ANO2: variants seen among roughly 807,000 people sequenced by gnomAD.
The protein encoded by ANO2 is anoctamin-2.
A neutral mutation model predicts 124.2 loss-of-function variants in ANO2; 101 were observed. The observed-to-expected ratio is 0.81, with a 90% CI of 0.69 to 0.96. ANO2 has a LOEUF of 0.96. Among genes scored for constraint, ANO2 ranks in the 40% least tolerant of loss-of-function variants. The pLI is 0.00. For synonymous variants in ANO2, 486 were observed against 482.5 expected, an observed-to-expected ratio of 1.01 and a Z score of -0.09; for missense variants, 1,293 against 1,274.5, an observed-to-expected ratio of 1.01 and a Z score of -0.22.
intron 7 of ANO2, among the ~76,000 whole-genome samples, chr12:5,811,457 G>A (rs756421972): frequency 6.6e-6 from 1 of 152,202 alleles, no homozygotes; most frequent in African/African-American, 2.4e-5. Flanking sequence ...TCTGGCTTTG[G>A]TCAAAATAAT....
rs573138382 is a variant in ANO2 at position 5,809,226 on chromosome 12, A to G, written c.893-1858T>C. On this transcript the variant is annotated intron_variant, in intron 7 of 24. Coordinates refer to ENST00000682330, the MANE Select transcript of ANO2 (RefSeq NM_001364791.2). Reference sequence around the variant, plus strand: ...AATTTCACTCTGAGCATCATTACTCAGTTCAAGAGCCATAACCACAGCAAT... The same window carrying G: ...AATTTCACTCTGAGCATCATTACTCGGTTCAAGAGCCATAACCACAGCAAT... Among the ~76,000 whole-genome samples the G allele has an allele frequency of 8.4e-4, 128 of 152,316 alleles. 2 individuals are homozygous for G. The South Asian group carries it at 0.026, about 31-fold the overall frequency.
At chr12:5,634,639 T>C (rs1217529835) in intron 16 of ANO2, among the ~76,000 whole-genome samples, 1 of 152,218 alleles carries the variant, frequency 6.6e-6, no homozygotes, top group Admixed American at 6.5e-5. Flanking sequence ...GGAAGTCTGA[T>C]ATGCCTCTTT....
At chr12:5,584,132 C>CCG (rs148573998) in intron 20 of ANO2, 19 of 80,080 alleles carry the variant, frequency 2.4e-4, no homozygotes, top group Non-Finnish European at 2.8e-4. Flanking sequence ...TTAATGAACA[C>CCG]CCCCCCCCCG....
intron 10 of ANO2, among the ~76,000 whole-genome samples, chr12:5,762,739 G>A (rs1951775767): frequency 6.6e-6 from 1 of 151,814 alleles, no homozygotes; most frequent in African/African-American, 2.4e-5. Context: ...ATTAAAATGA[G>A]CCTTAATATC....
intron 14 of ANO2, among the ~76,000 whole-genome samples, chr12:5,649,012 C>T (rs1014195657): frequency 6.6e-6 from 1 of 152,178 alleles, no homozygotes; most frequent in Non-Finnish European, 1.5e-5. Context: ...CCCTCTGGGG[C>T]CCACTGTGCA....
chr12:5,724,237 G>T (rs1950344736), intron 14 of ANO2, among the ~76,000 whole-genome samples: 1 of 152,052 alleles, frequency 6.6e-6, no homozygotes, highest in Non-Finnish European at 1.5e-5. Context: ...CTGTGCCTCA[G>T]TGTTTCCCTT....
intron 19 of ANO2, among the ~76,000 whole-genome samples, chr12:5,608,085 T>C (rs945467696): frequency 3.9e-5 from 6 of 152,082 alleles, no homozygotes; most frequent in Admixed American, 3.9e-4. Flanking sequence ...CCTACAGATG[T>C]GTTGAAAACT....
chr12:5,903,502 T>C (rs1052769975), intron 3 of ANO2, among the ~76,000 whole-genome samples: 1 of 152,246 alleles, frequency 6.6e-6, no homozygotes, highest in Non-Finnish European at 1.5e-5. Context: ...CACGGTTATA[T>C]GTCCTCTAGT....
At chr12:5,828,403 C>T (rs1192833598) in intron 6 of ANO2, among the ~76,000 whole-genome samples, 1 of 152,200 alleles carries the variant, frequency 6.6e-6, no homozygotes, top group Non-Finnish European at 1.5e-5. Context: ...CCATCTCGCC[C>T]ACCTGCTCGG....
At chr12:5,685,911 C>G (rs1948684471) in intron 14 of ANO2, among the ~76,000 whole-genome samples, 1 of 152,246 alleles carries the variant, frequency 6.6e-6, no homozygotes, top group African/African-American at 2.4e-5. Flanking sequence ...AATAGCTGAT[C>G]TGCCCACAGA....
rs1425935881 is a variant in ANO2, at chr12:5,862,763, T to C, written c.535-8622A>G. Among the ~76,000 whole-genome samples the C allele has an allele frequency of 2.0e-5, 3 of 152,298 alleles. No individual in the cohort carries two copies. Among genetic ancestry groups the C allele is most frequent in the African/African-American group, 7.2e-5 (3 of 41,558 alleles). The stretch of plus-strand genomic sequence containing the variant: ...TAGTGAATAAGCTCACAAGATCTGA[T>C]GGTTTTATAAGGGAAAACCTCTTTC... On this transcript the variant is annotated intron_variant, in intron 3 of 24. Transcript: ENST00000682330. This position sits in a 1 kb window ranked among gnomAD's most constrained non-coding sequence, Gnocchi z 4.0.
At chr12:5,924,947 G>A (rs992564326) in intron 1 of ANO2, among the ~76,000 whole-genome samples, 2 of 152,108 alleles carry the variant, frequency 1.3e-5, no homozygotes, top group Admixed American at 6.5e-5. Flanking sequence ...CATGTGATGG[G>A]GCTCAGGCTC....
chr12:5,874,189 T>C (rs1228230470), intron 3 of ANO2, among the ~76,000 whole-genome samples: 1 of 152,122 alleles, frequency 6.6e-6, no homozygotes, highest in African/African-American at 2.4e-5. Flanking sequence ...AAAGAGAGGC[T>C]GTGAGGGATG....
At chr12:5,578,692 C>A (rs947578140) in intron 20 of ANO2, among the ~76,000 whole-genome samples, 174 bp from the exon 21 acceptor site, 3 of 152,188 alleles carry the variant, frequency 2.0e-5, no homozygotes, top group African/African-American at 7.2e-5. Context: ...TTCTAAGTAC[C>A]TGCAGGCCTG....
Position 5,862,388 on chromosome 12 carries a change from T to C in ANO2, c.535-8247A>G, listed in dbSNP as rs1955297066. ...CGACCAGGGACAACCCAGGGTCCTA[T>C]GGACATGAAAACTCAGCCACTTTTG... is the stretch of plus-strand genomic sequence containing the variant. On this transcript the variant is annotated intron_variant, in intron 3 of 24. Coordinates refer to ENST00000682330, the MANE Select transcript of ANO2 (RefSeq NM_001364791.2). This position sits in a 1 kb window ranked among gnomAD's most constrained non-coding sequence, Gnocchi z 4.0. Among the ~76,000 whole-genome samples the C allele has an allele frequency of 6.6e-6, 1 of 152,180 alleles. No individual in the cohort carries two copies. Among genetic ancestry groups the C allele is most frequent in the South Asian group, 2.1e-4 (1 of 4,828 alleles).
At position 5,575,983 on chromosome 12, in the gene ANO2, G is replaced by T. The variant is rs766656079; in HGVS notation, c.2472C>A (p.Ile824=). ...AFVIAITSDF[I]PRLVYQYSYS... ...AGGAGTACTGGTACACCAGGCGGGG[G>T]ATAAAGTCGGAGGTGATCGCAATGA... is the stretch of plus-strand genomic sequence containing the variant. Residue 824 remains isoleucine, a synonymous_variant, in exon 23 of 25, where the codon ATC becomes ATA. Coordinates refer to ENST00000682330, the MANE Select transcript of ANO2 (RefSeq NM_001364791.2). The T allele has an allele frequency of 1.2e-6, 2 of 1,611,038 alleles. No homozygotes were observed. The highest frequency in any genetic ancestry group is 2.7e-5 in the African/African-American group (2 of 74,974).
chr12:5,616,381 T>C (rs181105595), intron 16 of ANO2, among the ~76,000 whole-genome samples: 1 of 152,326 alleles, frequency 6.6e-6, no homozygotes, highest in Non-Finnish European at 1.5e-5. Context: ...CTCTTTCCCA[T>C]GTATGTGTGC....
At chr12:5,744,397 C>A (rs1951205211) in intron 11 of ANO2, 80 bp from the exon 12 acceptor site, 3 of 1,504,716 alleles carry the variant, frequency 2.0e-6, no homozygotes, top group Non-Finnish European at 2.7e-6. Flanking sequence ...CCAAATAGCT[C>A]CCATTTCCAA....
chr12:5,676,004 G>A (rs952950813), intron 14 of ANO2, among the ~76,000 whole-genome samples: 4 of 152,090 alleles, frequency 2.6e-5, no homozygotes, highest in African/African-American at 7.2e-5. Context: ...CTCTGGACTC[G>A]GAGCCACATC....
Sources: gnomAD v4.1 joint callset for allele counts (sites outside exome capture counted in the v4.1 genomes callset) on GRCh38, gnomAD v4.1.1 for gene constraint, Gnocchi (gnomAD v3.1) non-coding constraint, MANE v1.5 for transcripts, NCBI Gene and HGNC (gene_info 2026-07-23, HGNC 2026-07-21) for gene names.